ARL6IP6: variants seen among roughly 807,000 people sequenced by gnomAD.
ARL6IP6 encodes the protein ARF like GTPase 6 interacting protein 6, also known as ADP-ribosylation factor-like protein 6-interacting protein 6.
ARL6IP6 carries 22 observed loss-of-function variants against 21.5 expected under a neutral mutation model. The ratio of observed to expected loss-of-function variants is 1.02; its 90% confidence interval spans 0.73 to 1.46. The LOEUF (loss-of-function observed/expected upper bound fraction) is 1.46, where lower values mean the gene tolerates loss of function less well. ARL6IP6 is among the 40% of genes most tolerant of loss of function. The pLI is 0.00. For missense variants in ARL6IP6, 388 were observed against 299.8 expected (o/e 1.29, Z -2.17); for synonymous variants, 164 against 125.3 (o/e 1.31, Z -2.06).
chr2:152,727,746 T>TAGG (rs35629790), intron 2 of ARL6IP6, among the ~76,000 whole-genome samples: 22,004 of 152,168 alleles, frequency 0.14, 1,734 homozygotes, highest in Middle Eastern at 0.24. Context: ...ATTGGAATAA[T>TAGG]AGGATATAAC....
At chr2:152,718,562 C>A, upstream of ARL6IP6, 2 of 1,485,232 alleles carry the variant, frequency 1.3e-6, no homozygotes, top group Non-Finnish European at 1.8e-6. Context: ...TTGGCTGTTG[C>A]GGACCCGGGG....
At position 152,741,687 on chromosome 2, in the gene ARL6IP6, G is replaced by A. The variant is rs533477385; in HGVS notation, c.587+6561G>A. The stretch of plus-strand genomic sequence containing the variant: ...AAATCTTAGCAATTTTCACTTTTAC[G>A]TAAGCACAAGATGTTTAGGAAATAC... On this transcript the variant is annotated intron_variant, in intron 3 of 3. Transcript: ENST00000326446. Among the ~76,000 whole-genome samples the A allele has an allele frequency of 6.6e-5, 10 of 152,068 alleles. No homozygotes were observed. The South Asian group carries it at 8.3e-4, about 13-fold the overall frequency.
chr2:152,757,907 A>G (rs1222427031), intron 3 of ARL6IP6, among the ~76,000 whole-genome samples: 2 of 152,226 alleles, frequency 1.3e-5, no homozygotes, highest in African/African-American at 2.4e-5. Context: ...AATTCTACCA[A>G]CATTGTAGTT....
At chr2:152,719,779 AGAACTTTGTTGTATG>A in intron 1 of ARL6IP6, 1 of 325,954 alleles carries the variant, frequency 3.1e-6, no homozygotes. Flanking sequence ...AAAAAACAAA[AGAACTTTGTTGTATG>A]AAAAGCACCC....
rs1699429654 is a variant in ARL6IP6 at position 152,718,753 on chromosome 2, C to CGAG, written c.137_139dup (p.Glu46dup). 2 of 1,610,054 alleles carry CGAG rather than the reference C, an allele frequency of 1.2e-6. No homozygotes were observed. The highest frequency in any genetic ancestry group is 1.7e-6 in the Non-Finnish European group (2 of 1,178,250). On this transcript the variant is annotated inframe_insertion, in exon 1 of 4. Transcript: ENST00000326446. The stretch of plus-strand genomic sequence containing the variant: ...ACAGCTGGGGTGAAGGCGAAGTCGA[C>CGAG]GAGGAGGAGGGATGCGACCAAGTGG...
chr2:152,736,683 G>T (rs1376406746), intron 3 of ARL6IP6, among the ~76,000 whole-genome samples: 1 of 151,934 alleles, frequency 6.6e-6, no homozygotes, highest in Non-Finnish European at 1.5e-5. Flanking sequence ...GTATCCATGG[G>T]CTCCACATCC....
At chr2:152,733,592 C>G (rs1313205719) in intron 2 of ARL6IP6, among the ~76,000 whole-genome samples, 2 of 152,042 alleles carry the variant, frequency 1.3e-5, no homozygotes, top group African/African-American at 4.8e-5. Flanking sequence ...CAGTACACAC[C>G]GTTTTAGGTA....
At chr2:152,718,562 C>T, upstream of ARL6IP6, 1 of 1,485,226 alleles carries the variant, frequency 6.7e-7, no homozygotes, top group African/African-American at 1.4e-5. Flanking sequence ...TTGGCTGTTG[C>T]GGACCCGGGG....
chr2:152,745,338 C>T (rs1409030350), intron 3 of ARL6IP6, among the ~76,000 whole-genome samples: 1 of 152,134 alleles, frequency 6.6e-6, no homozygotes, highest in Non-Finnish European at 1.5e-5. Flanking sequence ...TTTCCAGCAG[C>T]ACTCAGTTTT....
chr2:152,720,614 G>C, intron 2 of ARL6IP6, 28 bp downstream of exon 2: 1 of 1,593,380 alleles, frequency 6.3e-7, no homozygotes, highest in Non-Finnish European at 8.6e-7. Flanking sequence ...GCTTGCTTTG[G>C]TTTTGAGCTC....
intron 2 of ARL6IP6, among the ~76,000 whole-genome samples, chr2:152,723,669 G>A (rs1467257238): frequency 6.6e-6 from 1 of 152,186 alleles, no homozygotes; most frequent in Non-Finnish European, 1.5e-5. Context: ...ATGGCAGTCA[G>A]TAAGAACAGA....
chr2:152,751,672 A>T (rs1316491438), intron 3 of ARL6IP6, among the ~76,000 whole-genome samples: 4 of 152,134 alleles, frequency 2.6e-5, no homozygotes, highest in Non-Finnish European at 4.4e-5. Context: ...AATGTCCCCC[A>T]GACTCATCCA....
chr2:152,759,021 A>G (rs1005932654), intron 3 of ARL6IP6, among the ~76,000 whole-genome samples: 2 of 152,102 alleles, frequency 1.3e-5, no homozygotes, highest in Non-Finnish European at 2.9e-5. Flanking sequence ...TTTTCTTTTT[A>G]ATATGTCTGA....
chr2:152,730,775 C>T (rs1246743473), intron 2 of ARL6IP6, among the ~76,000 whole-genome samples: 3 of 152,134 alleles, frequency 2.0e-5, no homozygotes, highest in African/African-American at 7.2e-5. Flanking sequence ...TGTGGTGTTT[C>T]TATGCCAGGC....
intron 3 of ARL6IP6, among the ~76,000 whole-genome samples, chr2:152,741,036 T>C (rs1213427381): frequency 6.6e-6 from 1 of 152,158 alleles, no homozygotes; most frequent in Non-Finnish European, 1.5e-5. Flanking sequence ...TTCTTCAAAA[T>C]CAAATTGATA....
At chr2:152,738,572 C>T (rs1700655013) in intron 3 of ARL6IP6, among the ~76,000 whole-genome samples, 1 of 152,230 alleles carries the variant, frequency 6.6e-6, no homozygotes, top group South Asian at 2.1e-4. Flanking sequence ...AGTCCCAACA[C>T]CACATGTAAG....
At chr2:152,750,201 G>A (rs1296821890) in intron 3 of ARL6IP6, among the ~76,000 whole-genome samples, 3 of 152,076 alleles carry the variant, frequency 2.0e-5, no homozygotes, top group African/African-American at 4.8e-5. Context: ...AACTGAGACC[G>A]AGCGCAGTGG....
intron 3 of ARL6IP6, among the ~76,000 whole-genome samples, chr2:152,739,899 G>A (rs1167681311): frequency 6.6e-6 from 1 of 152,122 alleles, no homozygotes; most frequent in East Asian, 1.9e-4. Flanking sequence ...ATGTGCAGAG[G>A]AACTGCCCTT....
chr2:152,735,732 TAAG>T (rs776711937), intron 3 of ARL6IP6, among the ~76,000 whole-genome samples: 3 of 152,118 alleles, frequency 2.0e-5, no homozygotes, highest in African/African-American at 4.8e-5. Context: ...AATTCCGAAA[TAAG>T]AACATCTAAG....
Sources: gnomAD v4.1 joint callset for allele counts (sites outside exome capture counted in the v4.1 genomes callset) on GRCh38, gnomAD v4.1.1 for gene constraint, MANE v1.5 for transcripts, NCBI Gene and HGNC (gene_info 2026-07-23, HGNC 2026-07-21) for gene names.